GRIK2: variants seen among roughly 807,000 people sequenced by gnomAD.
GRIK2 encodes glutamate receptor ionotropic, kainate 2.
Under a neutral mutation model 100.3 loss-of-function variants are expected in GRIK2, and 32 were observed. The observed-to-expected ratio is 0.32, with a 90% CI of 0.24 to 0.43. GRIK2 has a LOEUF of 0.43. GRIK2 is among the 20% of genes least tolerant of loss of function. The pLI, the probability that GRIK2 is intolerant of heterozygous loss-of-function variation, is 1.00. For synonymous variants in GRIK2, 417 were observed against 389.4 expected, an observed-to-expected ratio of 1.07 and a Z score of -0.83; for missense variants, 843 against 1,114.9, an observed-to-expected ratio of 0.76 and a Z score of 3.47.
chr6:101,793,763 C>A (rs1780073548), intron 7 of GRIK2, among the ~76,000 whole-genome samples: 1 of 152,138 alleles, frequency 6.6e-6, no homozygotes, highest in Admixed American at 6.5e-5. Context: ...ACATTGAAGT[C>A]TGCAGAGGTT....
rs1335972326 is a variant in GRIK2, at chr6:101,429,251, TGG to T, written c.115+29860_115+29861del. ...ACCACAAGGTCCTCAATTTTGTAAATGGCACGTTCAGAGGGGAATCAAATTGC... is the reference window on the plus strand; with the variant it reads ...ACCACAAGGTCCTCAATTTTGTAAATCACGTTCAGAGGGGAATCAAATTGC... On this transcript the variant is annotated intron_variant, in intron 2 of 16. Transcript: ENST00000369134. Among the ~76,000 whole-genome samples the T allele has an allele frequency of 3.4e-3, 512 of 152,332 alleles. 4 individuals carry two copies. The highest frequency in any genetic ancestry group is 0.012 in the African/African-American group (490 of 41,582).
rs146553452 is a variant in GRIK2 at position 102,050,648 on chromosome 6, TAAAAAAAAAAA to T, written c.2312-4673_2312-4663del. 9.2e-5 allele frequency among the ~76,000 whole-genome samples: 4 copies of T among 43,340 alleles called. No individual in the cohort carries two copies. The South Asian group carries it at 2.0e-3, about 21-fold the overall frequency. The allele number at this position is 43,340 out of a possible 152,430, so 28.4% of individuals were successfully genotyped here. ...TGGGCGACAAGAGCAAAACTCGGTCTAAAAAAAAAAAAAAAAAAACGGAATAAGAAATAAAA... is the reference window on the plus strand; with the variant it reads ...TGGGCGACAAGAGCAAAACTCGGTCTAAAAAAAACGGAATAAGAAATAAAA... On this transcript the variant is annotated intron_variant, in intron 15 of 16. Transcript: ENST00000369134.
intron 11 of GRIK2, among the ~76,000 whole-genome samples, chr6:101,865,686 A>G (rs1785005772): frequency 6.6e-6 from 1 of 152,134 alleles, no homozygotes; most frequent in South Asian, 2.1e-4. Context: ...TAGGAGTTCA[A>G]GACCAGCCTG....
intron 12 of GRIK2, among the ~76,000 whole-genome samples, chr6:101,903,031 T>TA (rs761264690): frequency 1.6e-4 from 25 of 151,816 alleles, no homozygotes; most frequent in Non-Finnish European, 2.7e-4. Context: ...TTTATCCTCA[T>TA]AGTTACAAGA....
intron 16 of GRIK2, chr6:102,063,989 T>C (rs141016805): frequency 2.6e-6 from 4 of 1,558,688 alleles, no homozygotes; most frequent in Non-Finnish European, 3.5e-6. Context: ...AGTGCCACCA[T>C]ACCATCCAGA....
chr6:101,665,154 G>T (rs560146461), intron 4 of GRIK2, among the ~76,000 whole-genome samples: 1 of 152,224 alleles, frequency 6.6e-6, no homozygotes, highest in African/African-American at 2.4e-5. Context: ...GTGCTCCTTG[G>T]CATTGTTATA....
In GRIK2 at chr6:101,528,290, T is replaced by TA. The variant is rs554936108; in HGVS notation, c.116-93658dup. Among the ~76,000 whole-genome samples the TA allele has an allele frequency of 2.2e-4, 34 of 152,276 alleles. No individual in the cohort carries two copies. The South Asian group carries it at 2.3e-3, about 10-fold the overall frequency. ...TAAGAATATTTTAGATTTTAGAAGT[T>TA]ATGTATACTCTATATTATATAACAC... is the stretch of plus-strand genomic sequence containing the variant. On this transcript the variant is annotated intron_variant, in intron 2 of 16. Transcript: ENST00000369134.
At chr6:101,753,769 G>C (rs192615335) in intron 7 of GRIK2, among the ~76,000 whole-genome samples, 1 of 151,890 alleles carries the variant, frequency 6.6e-6, no homozygotes, top group South Asian at 2.1e-4. Context: ...GCATTGCTGG[G>C]GTTTTCTACT....
chr6:101,991,351 T>C (rs1218112794), intron 14 of GRIK2, among the ~76,000 whole-genome samples: 1 of 151,158 alleles, frequency 6.6e-6, no homozygotes, highest in East Asian at 1.9e-4. Context: ...AGTATGAAGT[T>C]GGAATGTCTG....
chr6:101,694,462 T>G (rs1408390000), intron 7 of GRIK2, among the ~76,000 whole-genome samples: 3 of 152,088 alleles, frequency 2.0e-5, no homozygotes, highest in Non-Finnish European at 4.4e-5. Context: ...ATAAATATTC[T>G]ACATTTAACA....
intron 2 of GRIK2, among the ~76,000 whole-genome samples, chr6:101,544,569 C>G (rs1776148565): frequency 6.6e-6 from 1 of 152,088 alleles, no homozygotes; most frequent in South Asian, 2.1e-4. Flanking sequence ...ATTGCCTCTT[C>G]TCTCAATTAT....
intron 7 of GRIK2, among the ~76,000 whole-genome samples, chr6:101,793,051 A>G (rs918145073): frequency 2.2e-4 from 34 of 151,732 alleles, no homozygotes; most frequent in African/African-American, 7.5e-4. Context: ...CTTGGCTTTC[A>G]CCTCCGTCAG....
chr6:101,596,827 A>T (rs1302846170), intron 2 of GRIK2, among the ~76,000 whole-genome samples: 1 of 151,614 alleles, frequency 6.6e-6, no homozygotes, highest in African/African-American at 2.4e-5. Flanking sequence ...ACTCTTTTTT[A>T]AAATGTCTTT....
At chr6:101,736,873 A>G (rs992339186) in intron 7 of GRIK2, among the ~76,000 whole-genome samples, 1 of 152,056 alleles carries the variant, frequency 6.6e-6, no homozygotes, top group Non-Finnish European at 1.5e-5. Flanking sequence ...AATTTTTCAG[A>G]CTTTTATGCT....
At chr6:101,822,196 A>G (rs1781995585) in intron 10 of GRIK2, among the ~76,000 whole-genome samples, 1 of 135,990 alleles carries the variant, frequency 7.4e-6, no homozygotes, top group African/African-American at 2.7e-5. Context: ...AGGAATTCAT[A>G]TGGAGAGTTT....
chr6:101,819,474 G>T (rs1404349150), intron 10 of GRIK2, among the ~76,000 whole-genome samples: 1 of 152,142 alleles, frequency 6.6e-6, no homozygotes, highest in African/African-American at 2.4e-5. Context: ...ATCATGAAGT[G>T]ACAGTGATGA....
At chr6:101,730,082 G>A (rs149527264) in intron 7 of GRIK2, among the ~76,000 whole-genome samples, 7 of 151,972 alleles carry the variant, frequency 4.6e-5, no homozygotes, top group Middle Eastern at 3.4e-3. Context: ...GAATGAACCA[G>A]GCTGTCTTTT....
At position 101,639,941 on chromosome 6, in the gene GRIK2, A is replaced by C. The variant is rs1781208572; in HGVS notation, c.541+13304A>C. Among the ~76,000 whole-genome samples the C allele has an allele frequency of 2.0e-5, 3 of 152,300 alleles. No homozygotes were observed. In the South Asian group the frequency reaches 6.2e-4, roughly 32 times the overall value. On this transcript the variant is annotated intron_variant, in intron 4 of 16. Transcript: ENST00000369134. ...ACTAATAATATCTTGTTACAAACAG[A>C]ATTCTGACTAACAAACCCTAATGAA...
chr6:101,636,840 C>T (rs1026876950), intron 4 of GRIK2, among the ~76,000 whole-genome samples: 1 of 152,072 alleles, frequency 6.6e-6, no homozygotes, highest in East Asian at 1.9e-4. Flanking sequence ...TAAATTTAAG[C>T]ATATTGGCAT....
Sources: gnomAD v4.1 joint callset for allele counts (sites outside exome capture counted in the v4.1 genomes callset) on GRCh38, gnomAD v4.1.1 for gene constraint, MANE v1.5 for transcripts, NCBI Gene and HGNC (gene_info 2026-07-23, HGNC 2026-07-21) for gene names.